Variants in ZBTB20 observed in about 807,000 individuals in gnomAD.
The protein encoded by ZBTB20 is zinc finger and BTB domain containing 20.
ZBTB20 carries 9 observed loss-of-function variants against 56.9 expected under a neutral mutation model. That is an observed-to-expected ratio of 0.16 (90% CI 0.10 to 0.28). ZBTB20 has a LOEUF of 0.28. Ranked by LOEUF, ZBTB20 falls within the 10% of genes least tolerant of loss-of-function variation. The pLI is 1.00. For missense variants in ZBTB20, 655 were observed against 1,003.0 expected, an observed-to-expected ratio of 0.65 and a Z score of 4.69; for synonymous variants, 417 against 420.7, an observed-to-expected ratio of 0.99 and a Z score of 0.11.
At chr3:115,115,258 G>C (rs1262308127) in intron 1 of ZBTB20, among the ~76,000 whole-genome samples, 1 of 151,974 alleles carries the variant, frequency 6.6e-6, no homozygotes, top group Admixed American at 6.6e-5. Context: ...TCTGTAACCT[G>C]CCTCGGCAAG....
At chr3:114,743,983 A>C (rs558766721) in intron 5 of ZBTB20, among the ~76,000 whole-genome samples, 6 of 152,282 alleles carry the variant, frequency 3.9e-5, no homozygotes, top group African/African-American at 1.4e-4. Flanking sequence ...ATTAGCTTGG[A>C]GTCAAAGAGA....
At chr3:114,756,752 T>C (rs2068037429) in intron 5 of ZBTB20, among the ~76,000 whole-genome samples, 1 of 152,192 alleles carries the variant, frequency 6.6e-6, no homozygotes, top group Non-Finnish European at 1.5e-5. Context: ...AGTCTGATTC[T>C]AGTAAAACTC....
At chr3:114,585,919 C>T (rs891532092) in intron 6 of ZBTB20, among the ~76,000 whole-genome samples, 2 of 152,138 alleles carry the variant, frequency 1.3e-5, no homozygotes, top group African/African-American at 4.8e-5. Context: ...TGCTTTAGCT[C>T]GGAGGAAGGC....
rs368815424 is a variant in ZBTB20 at position 114,601,762 on chromosome 3, AGCAGAATAAACT to A, written c.-295+91754_-295+91765del. On this transcript the variant is annotated intron_variant, in intron 6 of 11. Transcript: ENST00000675478. ...TAGAGAGCAAGGAGAAATCATTTCG[AGCAGAATAAACT>A]GCATGAACAAAAAGGTCATCACACG... is the stretch of plus-strand genomic sequence containing the variant. 9.2e-3 allele frequency among the ~76,000 whole-genome samples: 1,401 copies of A among 152,124 alleles called. 26 individuals are homozygous for A. The highest frequency in any genetic ancestry group is 0.031 in the African/African-American group (1,277 of 41,532).
intron 6 of ZBTB20, among the ~76,000 whole-genome samples, chr3:114,673,170 T>C (rs1213728672): frequency 6.6e-6 from 1 of 152,146 alleles, no homozygotes; most frequent in African/African-American, 2.4e-5. Context: ...CAGCGGGCCA[T>C]TTTCCCAAGA....
chr3:114,753,325 C>CTGTATATATAA (rs1178630090), intron 5 of ZBTB20, among the ~76,000 whole-genome samples: 14 of 48,460 alleles, frequency 2.9e-4, no homozygotes, highest in African/African-American at 9.7e-4. Flanking sequence ...ATATGTATAC[C>CTGTATATATAA]TGTATATATA....
intron 5 of ZBTB20, among the ~76,000 whole-genome samples, chr3:114,719,383 T>TC (rs1191793577): frequency 5.9e-5 from 9 of 151,990 alleles, no homozygotes; most frequent in African/African-American, 2.2e-4. Flanking sequence ...AGCTAAAAGA[T>TC]CCAACACAAA....
chr3:114,497,835 G>A (rs1194093074), intron 7 of ZBTB20, among the ~76,000 whole-genome samples: 1 of 152,172 alleles, frequency 6.6e-6, no homozygotes, highest in Non-Finnish European at 1.5e-5. Context: ...AGCTGTACAT[G>A]ATAATTAATC....
At chr3:114,559,020 C>T (rs1185213975) in intron 6 of ZBTB20, among the ~76,000 whole-genome samples, 1 of 152,128 alleles carries the variant, frequency 6.6e-6, no homozygotes, top group African/African-American at 2.4e-5. Flanking sequence ...CTCTTACTTT[C>T]TTCATTTCAT....
chr3:115,083,783 T>C (rs2082882305), intron 1 of ZBTB20, among the ~76,000 whole-genome samples: 1 of 151,958 alleles, frequency 6.6e-6, no homozygotes, highest in African/African-American at 2.4e-5. Flanking sequence ...CATAACAAAT[T>C]CCTAAGTGCT....
chr3:114,574,738 G>C (rs6773992), intron 6 of ZBTB20, among the ~76,000 whole-genome samples: 14,260 of 152,124 alleles, frequency 0.094, 776 homozygotes, highest in African/African-American at 0.14. Flanking sequence ...CACTGATGCC[G>C]AACAGTTATT....
intron 7 of ZBTB20, among the ~76,000 whole-genome samples, chr3:114,418,436 C>A (rs1042221920): frequency 2.6e-5 from 4 of 151,970 alleles, no homozygotes; most frequent in Non-Finnish European, 2.9e-5. Flanking sequence ...TGTGGCCATA[C>A]ATTCACTTAG....
chr3:114,985,058 C>A (rs2078479710), intron 2 of ZBTB20, among the ~76,000 whole-genome samples: 1 of 152,068 alleles, frequency 6.6e-6, no homozygotes, highest in Admixed American at 6.6e-5. Context: ...TGACCCAAGT[C>A]ACTTTTGATC....
intron 6 of ZBTB20, among the ~76,000 whole-genome samples, chr3:114,629,918 C>A (rs907735053): frequency 2.0e-5 from 3 of 152,004 alleles, no homozygotes; most frequent in South Asian, 4.2e-4. Flanking sequence ...GCACTTAGGG[C>A]CGAGGTGGGT....
At chr3:114,464,297 T>C (rs1158476638) in intron 7 of ZBTB20, among the ~76,000 whole-genome samples, 1 of 152,236 alleles carries the variant, frequency 6.6e-6, no homozygotes, top group East Asian at 1.9e-4. Flanking sequence ...GGGCCACTTA[T>C]TTTTCCTGTG....
At chr3:114,456,019 A>G (rs890114353) in intron 7 of ZBTB20, among the ~76,000 whole-genome samples, 3 of 152,120 alleles carry the variant, frequency 2.0e-5, no homozygotes, top group Admixed American at 6.6e-5. Context: ...AACCTAGAGT[A>G]TTCTTTGAAG....
chr3:114,965,953 A>G (rs2077631270), intron 3 of ZBTB20, among the ~76,000 whole-genome samples: 2 of 152,100 alleles, frequency 1.3e-5, no homozygotes, highest in South Asian at 4.1e-4. Context: ...TCCATTCCTT[A>G]GGTTGTGTCT....
intron 4 of ZBTB20, among the ~76,000 whole-genome samples, chr3:114,873,480 T>G (rs1252723943): frequency 6.6e-6 from 1 of 152,186 alleles, no homozygotes; most frequent in African/African-American, 2.4e-5. Context: ...ATTATAAATG[T>G]CTTATGTAGC....
At chr3:114,435,649 GA>G (rs2090466469) in intron 7 of ZBTB20, among the ~76,000 whole-genome samples, 3 of 151,914 alleles carry the variant, frequency 2.0e-5, no homozygotes, top group African/African-American at 7.3e-5. Context: ...ACATGTCACA[GA>G]AAAAAACAAA....
Sources: allele counts gnomAD v4.1 joint callset (sites outside exome capture counted in the v4.1 genomes callset), GRCh38; gene constraint gnomAD v4.1.1; transcripts MANE v1.5; gene names NCBI Gene and HGNC (gene_info 2026-07-23, HGNC 2026-07-21).